Variants in DNAH3 observed in about 807,000 individuals in gnomAD.
DNAH3 encodes dynein axonemal heavy chain 3.
In DNAH3, 332 loss-of-function variants were observed where a neutral mutation model predicts 432.5. That is an observed-to-expected ratio of 0.77 (90% CI 0.70 to 0.84). The LOEUF is 0.84. Among genes scored for constraint, DNAH3 ranks in the 40% least tolerant of loss-of-function variants. DNAH3 has a pLI of 0.00. For missense variants in DNAH3, 4,861 were observed against 5,114.0 expected (o/e 0.95, Z 1.51); for synonymous variants, 1,956 against 1,900.2 (o/e 1.03, Z -0.76).
intron 44 of DNAH3, among the ~76,000 whole-genome samples, chr16:20,994,729 A>G (rs761965628): frequency 6.6e-6 from 1 of 152,164 alleles, no homozygotes; most frequent in Non-Finnish European, 1.5e-5. Flanking sequence ...ACCTCGTATA[A>G]GTGGAATCAT....
At chr16:21,040,022 A>G (rs2089360169) in intron 32 of DNAH3, 79 bp from the exon 33 acceptor site, 1 of 1,225,590 alleles carries the variant, frequency 8.2e-7, no homozygotes, top group Non-Finnish European at 1.2e-6. Context: ...AAGCAAAGGG[A>G]AGTAGCTTTG....
chr16:21,074,359 T>C (rs1375668274), intron 21 of DNAH3, among the ~76,000 whole-genome samples: 1 of 152,088 alleles, frequency 6.6e-6, no homozygotes, highest in Non-Finnish European at 1.5e-5. Flanking sequence ...AAGAATCCAT[T>C]GGGAGATTTT....
chr16:21,155,088 T>C (rs2092889601), intron 1 of DNAH3, among the ~76,000 whole-genome samples: 1 of 151,932 alleles, frequency 6.6e-6, no homozygotes, highest in Admixed American at 6.6e-5. Context: ...TAACTGGGAT[T>C]ACAGGCGTGT....
chr16:21,087,759 C>G (rs570322980), intron 18 of DNAH3, among the ~76,000 whole-genome samples: 1 of 151,836 alleles, frequency 6.6e-6, no homozygotes, highest in Admixed American at 6.6e-5. Flanking sequence ...ATTAGCCAGG[C>G]ATGGTGGCAT....
At chr16:21,082,180 G>C (rs2091211278) in intron 19 of DNAH3, among the ~76,000 whole-genome samples, 1 of 152,020 alleles carries the variant, frequency 6.6e-6, no homozygotes, top group African/African-American at 2.4e-5. Context: ...CATTACAGGA[G>C]TGAGCCGCCA....
At chr16:21,081,775 G>A (rs2091196302) in intron 19 of DNAH3, 48 bp from the exon 20 acceptor site, 1 of 1,500,466 alleles carries the variant, frequency 6.7e-7, no homozygotes, top group Admixed American at 1.7e-5. Context: ...AGGCAGTGCT[G>A]TCCAGTAGAA....
exon 39 of DNAH3, chr16:21,024,665 G>C (rs765637980): frequency 6.2e-7 from 1 of 1,613,850 alleles, no homozygotes; most frequent in Non-Finnish European, 8.5e-7. Context: ...GGGGCTTCCA[G>C]CCTAGTTGAT....
exon 41 of DNAH3, chr16:21,019,637 G>T (rs765008153): frequency 6.2e-7 from 1 of 1,614,022 alleles, no homozygotes; most frequent in African/African-American, 1.3e-5. Context: ...TTTCTGGAAA[G>T]ATGTTGTTTT....
At chr16:21,055,798 T>C (rs2090112370) in intron 27 of DNAH3, among the ~76,000 whole-genome samples, 1 of 145,276 alleles carries the variant, frequency 6.9e-6, no homozygotes, top group Admixed American at 7.3e-5. Context: ...TAGGCAGGAG[T>C]GCACAGGCAC....
intron 56 of DNAH3, among the ~76,000 whole-genome samples, chr16:20,949,263 CAAAAAAAAAAAAA>C (rs34267850): frequency 3.0e-5 from 2 of 66,030 alleles, no homozygotes; most frequent in Non-Finnish European, 5.5e-5. Context: ...GAGACTGTCT[CAAAAAAAAAAAAA>C]AAAAAAAAGA....
At position 21,086,957 on chromosome 16, in the gene DNAH3, G is replaced by C. The variant is rs745342560; in HGVS notation, c.2769C>G (p.Pro923=). Residue 923 remains proline, a synonymous_variant, in exon 19 of 62, where the codon CCC becomes CCG. Coordinates refer to ENST00000261383, the Ensembl canonical transcript of DNAH3. ...TCTTCACATTCTCTGCTAAGCGCCT[G>C]GGTGCAGGCACATCAGACAAGGTCT... 4 of 1,614,158 alleles carry C rather than the reference G, an allele frequency of 2.5e-6. No homozygotes were observed. In the Admixed American group the frequency reaches 6.7e-5, roughly 27 times the overall value.
At position 20,964,431 on chromosome 16, in the gene DNAH3, T is replaced by C. The variant is rs1482824596; in HGVS notation, c.9453A>G (p.Gly3151=). The change falls in exon 53 of 62, where the codon GGA becomes GGG. Residue 3151 remains glycine, a synonymous_variant. Coordinates refer to ENST00000261383, the Ensembl canonical transcript of DNAH3. ...TTTCACCCAGCCTCATGTACTCAAC[T>C]CCTTGCTGTTTGAATGTTGCCTTGA... is the stretch of plus-strand genomic sequence containing the variant. 5 of 1,614,192 alleles carry C rather than the reference T, an allele frequency of 3.1e-6. No homozygotes were observed. In the Admixed American group the frequency reaches 8.3e-5, roughly 27 times the overall value.
At chr16:21,074,108 T>G (rs1158555230) in intron 21 of DNAH3, among the ~76,000 whole-genome samples, 1 of 152,176 alleles carries the variant, frequency 6.6e-6, no homozygotes, top group Non-Finnish European at 1.5e-5. Flanking sequence ...GTGAATGACC[T>G]TCATGCTAGG....
chr16:20,979,529 T>C lies in DNAH3; in HGVS notation c.7877A>G (p.Lys2626Arg), dbSNP rs368985757. ...CTTCTTGACGCTCTCTTGGAAATAT[T>C]TGCACATGGACACGACCCTGCCGAG... Residue 2626 changes from lysine to arginine, a missense_variant, in exon 50 of 62, where the codon AAA becomes AGA. Physicochemically the swap from Lys to Arg is conservative, Grantham distance 26. Coordinates refer to ENST00000261383, the Ensembl canonical transcript of DNAH3. 2.0e-5 allele frequency: 32 copies of C among 1,613,988 alleles called. No homozygotes were observed. Among genetic ancestry groups the C allele is most frequent in the Middle Eastern group, 1.6e-4 (1 of 6,084 alleles).
chr16:20,964,155 C>T, exon 53 of DNAH3: 2 of 1,614,134 alleles, frequency 1.2e-6, no homozygotes, highest in Non-Finnish European at 1.7e-6. Context: ...AGAGAACCTC[C>T]AAGATCTTAT....
At chr16:21,150,806 C>G (rs1415337230) in intron 1 of DNAH3, 7 of 154,292 alleles carry the variant, frequency 4.5e-5, no homozygotes, top group South Asian at 2.0e-4. Flanking sequence ...TCCCTGGACT[C>G]TTAACACTGG....
chr16:21,025,031 TC>T (rs2088470287), intron 38 of DNAH3, among the ~76,000 whole-genome samples: 1 of 152,120 alleles, frequency 6.6e-6, no homozygotes, highest in Non-Finnish European at 1.5e-5. Context: ...TTCAAGTGAT[TC>T]TCATTTCTCA....
At position 21,031,040 on chromosome 16, in the gene DNAH3, C is replaced by T. The variant is rs754014455; in HGVS notation, c.5439+5G>A. The stretch of plus-strand genomic sequence containing the variant: ...TGGAAAAGTCATATCAGGGTCAATA[C>T]TTACCTTTTTATTGTCATCCAGAAC... On this transcript the variant is annotated splice_donor_5th_base_variant and intron_variant, in intron 37 of 61. Coordinates refer to ENST00000261383, the Ensembl canonical transcript of DNAH3. 2.5e-6 allele frequency: 4 copies of T among 1,614,054 alleles called. No individual in the cohort carries two copies. Among genetic ancestry groups the T allele is most frequent in the Non-Finnish European group, 3.4e-6 (4 of 1,179,960 alleles).
At chr16:21,093,957 T>C (rs1288717610) in intron 18 of DNAH3, among the ~76,000 whole-genome samples, 1 of 151,892 alleles carries the variant, frequency 6.6e-6, no homozygotes, top group Admixed American at 6.6e-5. Context: ...CCACAAAAAA[T>C]CTAGAAGAAA....
Sources: gnomAD v4.1 joint callset for allele counts (sites outside exome capture counted in the v4.1 genomes callset) on GRCh38, gnomAD v4.1.1 for gene constraint, MANE v1.5 for transcripts, NCBI Gene and HGNC (gene_info 2026-07-23, HGNC 2026-07-21) for gene names.